CDKL4: variants seen among roughly 807,000 people sequenced by gnomAD.
CDKL4 encodes the protein cyclin-dependent kinase-like 4.
CDKL4 carries 44 observed loss-of-function variants against 42.0 expected under a neutral mutation model. The ratio of observed to expected loss-of-function variants is 1.05; its 90% CI spans 0.82 to 1.35. The LOEUF is 1.35. CDKL4 is among the 40% of genes most tolerant of loss of function. The pLI is 0.00. For synonymous variants in CDKL4, 120 were observed against 121.6 expected (o/e 0.99, Z 0.09); for missense variants, 393 against 369.9 (o/e 1.06, Z -0.51).
At chr2:39,185,343 TACAC>T (rs1320104723) in intron 7 of CDKL4, among the ~76,000 whole-genome samples, 5 of 88,346 alleles carry the variant, frequency 5.7e-5, no homozygotes, top group Admixed American at 2.6e-4. Flanking sequence ...TGTATATATA[TACAC>T]ATATGTATAT....
intron 1 of CDKL4, among the ~76,000 whole-genome samples, chr2:39,235,213 G>T (rs1679305464): frequency 6.6e-6 from 1 of 152,060 alleles, no homozygotes; most frequent in South Asian, 2.1e-4. Flanking sequence ...AAGGAATACT[G>T]TACCCCATAG....
In CDKL4 at chr2:39,222,061, C is replaced by T. The variant is rs561314596; in HGVS notation, c.290+3778G>A. ...AATGCTCCATGAAATATTTTTTGAGCGAAAGAATGCTAGGCATAAGGAAGC... is the reference window on the plus strand; with the variant it reads ...AATGCTCCATGAAATATTTTTTGAGTGAAAGAATGCTAGGCATAAGGAAGC... On this transcript the variant is annotated intron_variant, in intron 3 of 9. Coordinates refer to ENST00000451199, the Ensembl canonical transcript of CDKL4. Among the ~76,000 whole-genome samples the T allele has an allele frequency of 5.9e-5, 9 of 151,974 alleles. No homozygotes were observed. In the East Asian group the frequency reaches 7.7e-4, roughly 13 times the overall value.
chr2:39,169,002 G>A, the CDKL4 span, among the ~76,000 whole-genome samples: 16 of 152,178 alleles, frequency 1.1e-4, 1 homozygote, highest in Middle Eastern at 3.4e-3. Flanking sequence ...TGATCCGCCT[G>A]CCTTGCCCTC....
chr2:39,190,501 A>C (rs753625940), exon 6 of CDKL4: 3 of 1,613,978 alleles, frequency 1.9e-6, no homozygotes, highest in Non-Finnish European at 2.5e-6. Flanking sequence ...CATCTCCTGG[A>C]ACTGCAAATG....
At chr2:39,183,071 G>A (rs1675534281) in intron 8 of CDKL4, among the ~76,000 whole-genome samples, 1 of 152,190 alleles carries the variant, frequency 6.6e-6, no homozygotes, top group African/African-American at 2.4e-5. Flanking sequence ...CATGAGGTCA[G>A]GAGATGGAGA....
intron 9 of CDKL4, among the ~76,000 whole-genome samples, chr2:39,177,403 GTTTT>G (rs538241800): frequency 7.3e-6 from 1 of 136,516 alleles, no homozygotes; most frequent in South Asian, 2.3e-4. Flanking sequence ...AATCCAGTGA[GTTTT>G]TTTTTTTTTT....
chr2:39,223,284 C>T (rs1289797425), intron 3 of CDKL4, among the ~76,000 whole-genome samples: 3 of 152,054 alleles, frequency 2.0e-5, no homozygotes, highest in Non-Finnish European at 4.4e-5. Flanking sequence ...CTTTTGCCCT[C>T]ATCTGATTAT....
chr2:39,188,673 T>C (rs1380804184), intron 6 of CDKL4, among the ~76,000 whole-genome samples: 1 of 150,422 alleles, frequency 6.6e-6, no homozygotes, highest in Non-Finnish European at 1.5e-5. Context: ...AGACTTCATC[T>C]CATAATCTCA....
the CDKL4 span, among the ~76,000 whole-genome samples, chr2:39,168,653 T>C: frequency 4.0e-5 from 6 of 151,010 alleles, no homozygotes; most frequent in African/African-American, 1.5e-4. Flanking sequence ...GAGAATCACT[T>C]GAACCCAGGA....
In CDKL4 at chr2:39,215,959, C is replaced by G. The variant is rs370139189; in HGVS notation, c.291-2487G>C. Among the ~76,000 whole-genome samples the G allele has an allele frequency of 4.1e-4, 63 of 152,246 alleles. 1 individual carries two copies. Among genetic ancestry groups the G allele is most frequent in the African/African-American group, 1.4e-3 (60 of 41,530 alleles). On this transcript the variant is annotated intron_variant, in intron 3 of 9. Transcript: ENST00000451199. ...ACTGATATAACTGTATTCTTCTCCC[C>G]ACTTCACCTAGAGCCAAACCTGAAA...
chr2:39,201,800 T>C (rs1006651734), intron 5 of CDKL4, among the ~76,000 whole-genome samples: 3 of 151,998 alleles, frequency 2.0e-5, no homozygotes, highest in Admixed American at 6.6e-5. Context: ...CACAAAGGCA[T>C]AAGAATAATA....
intron 7 of CDKL4, among the ~76,000 whole-genome samples, chr2:39,184,855 C>T (rs746963800): frequency 3.3e-5 from 5 of 151,794 alleles, no homozygotes; most frequent in Non-Finnish European, 7.4e-5. Context: ...CCACCTCAGC[C>T]TCCTAAGTAT....
chr2:39,197,340 G>A (rs1558557053), intron 5 of CDKL4, among the ~76,000 whole-genome samples: 1 of 151,504 alleles, frequency 6.6e-6, no homozygotes, highest in Non-Finnish European at 1.5e-5. Flanking sequence ...TATGTTTAAC[G>A]ATGAAACCTA....
intron 1 of CDKL4, among the ~76,000 whole-genome samples, chr2:39,232,449 T>TCTA (rs1387034482): frequency 6.6e-6 from 1 of 152,214 alleles, no homozygotes; most frequent in Non-Finnish European, 1.5e-5. Context: ...GATGAGTATC[T>TCTA]CTACATGAAT....
intron 3 of CDKL4, among the ~76,000 whole-genome samples, chr2:39,224,606 C>T (rs1378968489): frequency 6.6e-6 from 1 of 150,580 alleles, no homozygotes; most frequent in African/African-American, 2.5e-5. Flanking sequence ...TGGGTTGAAG[C>T]AATCATCGTG....
At chr2:39,192,413 T>C (rs537355881) in intron 5 of CDKL4, among the ~76,000 whole-genome samples, 35 of 152,152 alleles carry the variant, frequency 2.3e-4, no homozygotes, top group Non-Finnish European at 4.4e-4. Context: ...CAGGCTAAAA[T>C]GCAGTGGCAC....
Position 39,228,937 on chromosome 2 carries a change from G to C in CDKL4, c.168+428C>G, listed in dbSNP as rs534857323. The stretch of plus-strand genomic sequence containing the variant: ...TGCTATTCAGTATGTCTAAGAACCT[G>C]GGGTGCAGTGCAGGCAGGAACCAAC... On this transcript the variant is annotated intron_variant, in intron 2 of 9. Coordinates refer to ENST00000451199, the Ensembl canonical transcript of CDKL4. 2.2e-3 allele frequency among the ~76,000 whole-genome samples: 338 copies of C among 152,302 alleles called. 1 individual carries two copies. The highest frequency in any genetic ancestry group is 7.6e-3 in the African/African-American group (316 of 41,564).
chr2:39,237,750 GAAAAT>G (rs1434654373), intron 1 of CDKL4, among the ~76,000 whole-genome samples: 12 of 151,838 alleles, frequency 7.9e-5, no homozygotes, highest in Non-Finnish European at 1.5e-5. Flanking sequence ...TTTTAAAAAA[GAAAAT>G]AAAAAGTAAA....
At chr2:39,180,587 C>T (rs545425482) in intron 8 of CDKL4, among the ~76,000 whole-genome samples, 1 of 152,104 alleles carries the variant, frequency 6.6e-6, no homozygotes, top group African/African-American at 2.4e-5. Context: ...CAGATGACCC[C>T]TAATTAATGA....
Sources: allele counts gnomAD v4.1 joint callset (sites outside exome capture counted in the v4.1 genomes callset), GRCh38; gene constraint gnomAD v4.1.1; transcripts MANE v1.5; gene names NCBI Gene and HGNC (gene_info 2026-07-23, HGNC 2026-07-21).